Variants in IDH1 observed in about 807,000 individuals in gnomAD.
IDH1 encodes the protein isocitrate dehydrogenase (NADP(+)) 1.
A neutral mutation model predicts 46.1 loss-of-function variants in IDH1; 33 were observed. That is an observed-to-expected ratio of 0.72 (90% CI 0.54 to 0.96). The LOEUF (loss-of-function observed/expected upper bound fraction) is 0.96, where lower values mean the gene tolerates loss of function less well. IDH1 is among the 40% of genes least tolerant of loss of function. The pLI, the probability that IDH1 is intolerant of heterozygous loss-of-function variation, is 0.00. For synonymous variants in IDH1, 144 were observed against 172.8 expected (o/e 0.83, Z 1.31); for missense variants, 421 against 515.7 (o/e 0.82, Z 1.78).
rs1453837097 is a variant in IDH1 at position 208,253,399 on chromosome 2, T to A, written c.-17+487A>T. 2.0e-5 allele frequency among the ~76,000 whole-genome samples: 3 copies of A among 152,360 alleles called. No individual in the cohort carries two copies. In the East Asian group the frequency reaches 5.8e-4, roughly 29 times the overall value. On this transcript the variant is annotated intron_variant, in intron 2 of 9. Transcript: ENST00000345146. ...GTATTTCTTCTGGATCTGATTTCCA[T>A]GGGATGGGCTTGAGGCCCCACTGGA...
chr2:208,241,835 T>C (rs1687924837), intron 7 of IDH1, among the ~76,000 whole-genome samples, 159 bp downstream of exon 7: 2 of 152,230 alleles, frequency 1.3e-5, no homozygotes, highest in Non-Finnish European at 2.9e-5. Context: ...ATCATTTCTC[T>C]AGTCTGAGCT....
chr2:208,254,347 T>C (rs984933886), intron 1 of IDH1: 5 of 152,936 alleles, frequency 3.3e-5, no homozygotes. Context: ...TGGGACCTTT[T>C]AAACTCCAGG....
intron 2 of IDH1, among the ~76,000 whole-genome samples, chr2:208,252,545 A>C (rs1219600415): frequency 6.6e-6 from 1 of 152,240 alleles, no homozygotes; most frequent in African/African-American, 2.4e-5. Context: ...AAAGTTATCT[A>C]TTCCTTCTAA....
At chr2:208,237,204 G>C in intron 9 of IDH1, 35 bp from the exon 10 acceptor site, 1 of 1,135,844 alleles carries the variant, frequency 8.8e-7, no homozygotes, top group Admixed American at 1.8e-5. Flanking sequence ...AAATTTAGTT[G>C]GTCTCTGATA....
chr2:208,254,783 A>G (rs949831612), intron 1 of IDH1, among the ~76,000 whole-genome samples, 156 bp downstream of exon 1: 1 of 151,466 alleles, frequency 6.6e-6, no homozygotes, highest in Admixed American at 6.6e-5. Flanking sequence ...CCCATTCTCA[A>G]TACCTGGATT....
chr2:208,251,684 A>G, intron 2 of IDH1, 117 bp from the exon 3 acceptor site: 2 of 765,594 alleles, frequency 2.6e-6, no homozygotes, highest in Non-Finnish European at 4.3e-6. Flanking sequence ...AATTCATGCA[A>G]TTCAATTTAT....
In IDH1 at chr2:208,237,180, G is replaced by C. The variant is rs371096614; in HGVS notation, c.1155-11C>G. Reference sequence around the variant, plus strand: ...TCAGAACGTTGCACACTAACGGGAAGGAAAAAAAAAAGAAAATTTAGTTGG... The same window carrying C: ...TCAGAACGTTGCACACTAACGGGAACGAAAAAAAAAAGAAAATTTAGTTGG... On this transcript the variant is annotated splice_polypyrimidine_tract_variant and intron_variant, in intron 9 of 9. Coordinates refer to ENST00000345146, the MANE Select transcript of IDH1 (RefSeq NM_005896.4). 2 of 1,334,062 alleles carry C rather than the reference G, an allele frequency of 1.5e-6. No homozygotes were observed. 82.6% of individuals were successfully genotyped at this position (1,334,062 alleles called of 1,614,324 possible).
chr2:208,237,099 G>C lies in IDH1; in HGVS notation c.1225C>G (p.Leu409Val), dbSNP rs1687824476. 6.2e-7 allele frequency: 1 copy of C among 1,601,314 alleles called. No individual in the cohort carries two copies. The highest frequency in any genetic ancestry group is 8.6e-7 in the Non-Finnish European group (1 of 1,169,016). The change falls in exon 10 of 10, where the codon CTA becomes GTA. Residue 409 changes from leucine (L) to valine (V), a missense_variant. Leu to Val is a conservative substitution (Grantham distance 32). Coordinates refer to ENST00000345146, the MANE Select transcript of IDH1 (RefSeq NM_005896.4). ...DKLGENLKIK[L>V]AQAKL is the part of the protein sequence containing the mutation. Reference sequence around the variant, plus strand: ...TGAACTTAAAGTTTGGCCTGAGCTAGTTTGATCTTCAAGTTTTCTCCAAGT... The same window carrying C: ...TGAACTTAAAGTTTGGCCTGAGCTACTTTGATCTTCAAGTTTTCTCCAAGT...
chr2:208,241,521 T>C (rs933173903), intron 7 of IDH1, among the ~76,000 whole-genome samples: 6 of 151,966 alleles, frequency 3.9e-5, no homozygotes, highest in African/African-American at 1.4e-4. Context: ...CGTGAGCCAC[T>C]GTGCCCAGCC....
At chr2:208,240,042 A>C in intron 7 of IDH1, 39 bp from the exon 8 acceptor site, 1 of 1,611,460 alleles carries the variant, frequency 6.2e-7, no homozygotes, top group East Asian at 2.2e-5. Flanking sequence ...GTCCAACTGC[A>C]TGAAGAGCAC....
At chr2:208,243,651 G>C (rs775595570) in intron 5 of IDH1, 47 bp from the exon 6 acceptor site, 1 of 1,486,218 alleles carries the variant, frequency 6.7e-7, no homozygotes, top group East Asian at 2.3e-5. Context: ...AAGAATAAAT[G>C]TAATGTAGTT....
chr2:208,253,883 C>T lies in IDH1; in HGVS notation c.-17+3G>A, dbSNP rs1688166940. ...AGAAGGGGGAAAATTTGCTAATTCT[C>T]ACCTTGACAGTGAATAGATTTCTTA... On this transcript the variant is annotated splice_donor_region_variant and intron_variant, in intron 2 of 9. Coordinates refer to ENST00000345146, the MANE Select transcript of IDH1 (RefSeq NM_005896.4). 1.3e-5 allele frequency: 2 copies of T among 152,246 alleles called. No homozygotes were observed. Among genetic ancestry groups the T allele is most frequent in the Non-Finnish European group, 2.9e-5 (2 of 68,044 alleles). 9.4% of individuals were successfully genotyped at this position (152,246 alleles called of 1,614,324 possible).
chr2:208,245,579 G>A (rs1688003786), intron 4 of IDH1, among the ~76,000 whole-genome samples, 155 bp from the exon 5 acceptor site: 1 of 144,800 alleles, frequency 6.9e-6, no homozygotes, highest in Non-Finnish European at 1.5e-5. Context: ...AGATGGGGAT[G>A]AAGAGGTCCA....
rs905139849 is a variant in IDH1 at position 208,244,123 on chromosome 2, A to C, written c.521-519T>G. Among the ~76,000 whole-genome samples, 52 of 152,196 alleles carry C rather than the reference A, an allele frequency of 3.4e-4. 1 individual carries two copies. Among genetic ancestry groups the C allele is most frequent in the South Asian group, 2.1e-3 (10 of 4,822 alleles). On this transcript the variant is annotated intron_variant, in intron 5 of 9. Coordinates refer to ENST00000345146, the MANE Select transcript of IDH1 (RefSeq NM_005896.4). Reference sequence around the variant, plus strand: ...TTCTCGCTCAGTTAATTCACTTGAAATCTGGTTGTTTAAGAGTCTGGGACC... The same window carrying C: ...TTCTCGCTCAGTTAATTCACTTGAACTCTGGTTGTTTAAGAGTCTGGGACC...
In IDH1 at chr2:208,240,027, G is replaced by A. The variant is rs367767216; in HGVS notation, c.851-24C>T. The stretch of plus-strand genomic sequence containing the variant: ...CCCTGTAAGTAGTGGAGCATGAAGC[G>A]TTGGGTCCAACTGCATGAAGAGCAC... On this transcript the variant is annotated intron_variant, in intron 7 of 9. Transcript: ENST00000345146. The A allele has an allele frequency of 1.1e-4, 182 of 1,613,788 alleles. 1 individual carries two copies. Among genetic ancestry groups the A allele is most frequent in the Middle Eastern group, 9.9e-4 (6 of 6,048 alleles).
chr2:208,241,433 A>G (rs147147694), intron 7 of IDH1, among the ~76,000 whole-genome samples: 4,149 of 130,498 alleles, frequency 0.032, 179 homozygotes, highest in African/African-American at 0.11. Flanking sequence ...GGGTTTTGCT[A>G]TGTTGGCCAG....
chr2:208,245,515 A>C, intron 4 of IDH1, 91 bp from the exon 5 acceptor site: 3 of 703,446 alleles, frequency 4.3e-6, no homozygotes, highest in Non-Finnish European at 7.7e-6. Flanking sequence ...CCTAGAAGAC[A>C]CCTAGACAAA....
chr2:208,243,091 C>A (rs541913058), intron 6 of IDH1, among the ~76,000 whole-genome samples: 1 of 152,148 alleles, frequency 6.6e-6, no homozygotes, highest in Non-Finnish European at 1.5e-5. Flanking sequence ...TAACAATGGG[C>A]TTCAGAAAGA....
chr2:208,237,145 A>T lies in IDH1; in HGVS notation c.1179T>A (p.Asn393Lys). ...LPNVQRSDYL[N>K]TFEFMDKLGE... is the part of the protein sequence containing the mutation. ...CAAGTTTATCCATGAACTCAAATGT[A>T]TTCAAGTAGTCAGAACGTTGCACAC... is the stretch of plus-strand genomic sequence containing the variant. Residue 393 changes from asparagine to lysine, a missense_variant, in exon 10 of 10, where the codon AAT becomes AAA. By Grantham distance (94) the Asn-to-Lys change is moderately conservative. Transcript: ENST00000345146. The T allele has an allele frequency of 3.1e-6, 5 of 1,607,258 alleles. No homozygotes were observed. Among genetic ancestry groups the T allele is most frequent in the Non-Finnish European group, 4.3e-6 (5 of 1,175,266 alleles).
Sources: allele counts gnomAD v4.1 joint callset (sites outside exome capture counted in the v4.1 genomes callset), GRCh38; gene constraint gnomAD v4.1.1; transcripts MANE v1.5; gene names NCBI Gene and HGNC (gene_info 2026-07-23, HGNC 2026-07-21).